The following HECW1 variants were observed in gnomAD, a reference collection of about 807,000 sequenced individuals.
HECW1 encodes the protein HECT, C2 and WW domain containing E3 ubiquitin protein ligase 1.
In HECW1, 61 loss-of-function variants were observed where a neutral mutation model predicts 182.3. The observed-to-expected ratio is 0.33, with a 90% CI of 0.27 to 0.41. The LOEUF is 0.41. HECW1 is among the 10% of genes least tolerant of loss of function. The pLI, the probability that HECW1 is intolerant of heterozygous loss-of-function variation, is 1.00. For synonymous variants in HECW1, 859 were observed against 832.6 expected, an observed-to-expected ratio of 1.03 and a Z score of -0.55; for missense variants, 1,739 against 2,108.9, an observed-to-expected ratio of 0.82 and a Z score of 3.44.
intron 3 of HECW1, among the ~76,000 whole-genome samples, chr7:43,311,303 G>A (rs1022864177): frequency 6.6e-6 from 1 of 152,202 alleles, no homozygotes; most frequent in Non-Finnish European, 1.5e-5. Flanking sequence ...ATTCTGGGCT[G>A]TGTGTAGGGA....
chr7:43,322,978 T>C lies in HECW1; in HGVS notation c.460+2236T>C, dbSNP rs542603723. ...TTTTTTAAGTCCAGAAGATAAATAT[T>C]AAGGAAGAGGAAATCCTAGGTGGGA... On this transcript the variant is annotated intron_variant, in intron 5 of 29. Transcript: ENST00000395891. Among the ~76,000 whole-genome samples the C allele has an allele frequency of 5.9e-5, 9 of 152,302 alleles. No individual in the cohort carries two copies. In the South Asian group the frequency reaches 1.9e-3, roughly 32 times the overall value.
At chr7:43,139,404 T>G (rs959392482) in intron 2 of HECW1, among the ~76,000 whole-genome samples, 2 of 152,214 alleles carry the variant, frequency 1.3e-5, no homozygotes, top group African/African-American at 4.8e-5. Context: ...ACCCCCTGCA[T>G]AGAGGATGAG....
chr7:43,319,775 ATT>A (rs10604163), intron 4 of HECW1, among the ~76,000 whole-genome samples: 10,320 of 105,474 alleles, frequency 0.098, 481 homozygotes, highest in Middle Eastern at 0.17. Flanking sequence ...AATTTTTGTA[ATT>A]TTTTTTTTTT....
intron 24 of HECW1, among the ~76,000 whole-genome samples, chr7:43,514,782 G>C (rs982433613): frequency 6.6e-6 from 1 of 152,126 alleles, no homozygotes; most frequent in Non-Finnish European, 1.5e-5. Flanking sequence ...ACCAGGCACT[G>C]TCTAACAACA....
In HECW1 at chr7:43,346,101, A is replaced by G. The variant is rs187032011; in HGVS notation, c.461-14785A>G. ...TTCCATAGTGGCTGTACTAGTTTAC[A>G]TTCCCACCAGCAGTGTAGAAGTGTT... On this transcript the variant is annotated intron_variant, in intron 5 of 29. Transcript: ENST00000395891. Among the ~76,000 whole-genome samples, 446 of 152,304 alleles carry G rather than the reference A, an allele frequency of 2.9e-3. 1 individual carries two copies. The highest frequency in any genetic ancestry group is 9.0e-3 in the African/African-American group (372 of 41,558).
At position 43,355,720 on chromosome 7, in the gene HECW1, A is replaced by C. The variant is rs73326128; in HGVS notation, c.461-5166A>C. ...TAAAAACCAACCAGAGGCCAGGCAC[A>C]GTAGCTCATGCCTGAAACCCAGCAC... On this transcript the variant is annotated intron_variant, in intron 5 of 29. Transcript: ENST00000395891. 4.6e-3 allele frequency among the ~76,000 whole-genome samples: 694 copies of C among 152,298 alleles called. 4 individuals carry two copies. The highest frequency in any genetic ancestry group is 0.016 in the African/African-American group (666 of 41,574).
At chr7:43,211,460 A>G (rs897263962) in intron 2 of HECW1, among the ~76,000 whole-genome samples, 3 of 151,064 alleles carry the variant, frequency 2.0e-5, no homozygotes, top group African/African-American at 7.3e-5. Flanking sequence ...GAGAGTTAGG[A>G]TTGATCATCT....
At chr7:43,428,692 G>A (rs900697210) in intron 8 of HECW1, among the ~76,000 whole-genome samples, 1 of 152,190 alleles carries the variant, frequency 6.6e-6, no homozygotes, top group South Asian at 2.1e-4. Context: ...AACAAAGCAC[G>A]TGCAGAAGGC....
chr7:43,345,863 T>TACAC (rs752195896), intron 5 of HECW1, among the ~76,000 whole-genome samples: 5 of 151,392 alleles, frequency 3.3e-5, no homozygotes, highest in African/African-American at 7.3e-5. Context: ...TATATATATA[T>TACAC]ACACACACAC....
At chr7:43,221,995 A>G in intron 2 of HECW1, among the ~76,000 whole-genome samples, 1 of 152,188 alleles carries the variant, frequency 6.6e-6, no homozygotes, top group East Asian at 1.9e-4. Context: ...AGCTCAATAA[A>G]AATGCTTAGT....
At chr7:43,120,133 T>C (rs1356724605) in intron 2 of HECW1, among the ~76,000 whole-genome samples, 2 of 152,204 alleles carry the variant, frequency 1.3e-5, no homozygotes, top group East Asian at 3.9e-4. Context: ...CATAGCCCTG[T>C]TCAGGATGAA....
chr7:43,273,509 ATTAG>A (rs1802681537), intron 3 of HECW1, among the ~76,000 whole-genome samples: 1 of 152,316 alleles, frequency 6.6e-6, no homozygotes, highest in Middle Eastern at 3.4e-3. Flanking sequence ...TACTAATACA[ATTAG>A]TTAACTACTT....
chr7:43,268,962 T>C (rs1802086368), intron 3 of HECW1, among the ~76,000 whole-genome samples: 2 of 152,130 alleles, frequency 1.3e-5, no homozygotes, highest in Non-Finnish European at 2.9e-5. Flanking sequence ...TTCTATTTTT[T>C]GTAGAGATGG....
chr7:43,182,513 A>G (rs954024329), intron 2 of HECW1, among the ~76,000 whole-genome samples: 3 of 152,168 alleles, frequency 2.0e-5, no homozygotes, highest in African/African-American at 7.2e-5. Flanking sequence ...ATTGGTCTAC[A>G]TGTCTGTTTT....
Position 43,114,410 on chromosome 7 carries a change from G to C in HECW1, c.-32+19G>C. The C allele has an allele frequency of 7.5e-7, 1 of 1,335,944 alleles. No individual in the cohort carries two copies. The allele number at this position is 1,335,944 out of a possible 1,614,324, so 82.8% of individuals were successfully genotyped here. ...TATTACGGTAATTCATTCTAGATTGGGGATTCATTTAAAAATGTGTGTTTT... is the reference window on the plus strand; with the variant it reads ...TATTACGGTAATTCATTCTAGATTGCGGATTCATTTAAAAATGTGTGTTTT... On this transcript the variant is annotated intron_variant, in intron 2 of 29. Coordinates refer to ENST00000395891, the MANE Select transcript of HECW1 (RefSeq NM_015052.5).
intron 2 of HECW1, among the ~76,000 whole-genome samples, chr7:43,221,232 TC>T (rs1212177001): frequency 6.6e-6 from 1 of 151,952 alleles, no homozygotes; most frequent in Non-Finnish European, 1.5e-5. Context: ...TTGCCAGGGG[TC>T]CCATTTCACA....
chr7:43,461,175 C>T lies in HECW1; in HGVS notation c.2652-2485C>T, dbSNP rs140833395. ...TGATTGAGCCCAGCTAGGCAGTTCT[C>T]TCCCAGAATATCTCCTAGTTGCAGT... On this transcript the variant is annotated intron_variant, in intron 13 of 29. Coordinates refer to ENST00000395891, the MANE Select transcript of HECW1 (RefSeq NM_015052.5). 3.1e-4 allele frequency among the ~76,000 whole-genome samples: 47 copies of T among 152,332 alleles called. No individual in the cohort carries two copies. The East Asian group carries it at 9.1e-3, about 29-fold the overall frequency.
rs968873458 is a variant in HECW1, at chr7:43,562,687, C to G, written c.*761C>G. 4.5e-6 allele frequency: 1 copy of G among 224,594 alleles called. No individual in the cohort carries two copies. The highest frequency in any genetic ancestry group is 2.2e-5 in the African/African-American group (1 of 44,850). 13.9% of individuals were successfully genotyped at this position (224,594 alleles called of 1,614,324 possible). ...GGAGGGGGAGCATCCCTAGTGAATA[C>G]TCACACCACAAGAAGGACAAACTTG... is the stretch of plus-strand genomic sequence containing the variant. On this transcript the variant is annotated 3_prime_UTR_variant, in exon 30 of 30. Transcript: ENST00000395891.
intron 2 of HECW1, among the ~76,000 whole-genome samples, chr7:43,126,763 T>G (rs1786288352): frequency 6.6e-6 from 1 of 152,214 alleles, no homozygotes; most frequent in Non-Finnish European, 1.5e-5. Context: ...TCTTATAATA[T>G]TTTAAGCTTC....
Sources: gnomAD v4.1 joint callset for allele counts (sites outside exome capture counted in the v4.1 genomes callset) on GRCh38, gnomAD v4.1.1 for gene constraint, MANE v1.5 for transcripts, NCBI Gene and HGNC (gene_info 2026-07-23, HGNC 2026-07-21) for gene names.